Variants in GPATCH2 observed in about 807,000 individuals in gnomAD.
The protein encoded by GPATCH2 is G-patch domain containing 2, also known as G patch domain-containing protein 2.
In GPATCH2, 51 loss-of-function variants were observed where a neutral mutation model predicts 58.0. The observed-to-expected ratio is 0.88, with a 90% CI of 0.70 to 1.11. GPATCH2 has a LOEUF of 1.11. Ranked by LOEUF, GPATCH2 falls within the 50% of genes most tolerant of loss-of-function variation. The probability of loss-of-function intolerance (pLI) is 0.00; values close to 1 mark genes in which losing one functional copy is unlikely to be tolerated. For synonymous variants in GPATCH2, 222 were observed against 218.5 expected, an observed-to-expected ratio of 1.02 and a Z score of -0.14; for missense variants, 625 against 652.2, an observed-to-expected ratio of 0.96 and a Z score of 0.45.
intron 8 of GPATCH2, among the ~76,000 whole-genome samples, chr1:217,467,444 G>T (rs1660514312): frequency 6.6e-6 from 1 of 152,038 alleles, no homozygotes; most frequent in Admixed American, 6.6e-5. Context: ...CGTACTTATA[G>T]TAAGTACCAA....
chr1:217,563,976 G>A (rs987803771), intron 5 of GPATCH2, among the ~76,000 whole-genome samples: 5 of 148,716 alleles, frequency 3.4e-5, no homozygotes, highest in African/African-American at 9.9e-5. Context: ...CCCGGGAGGC[G>A]GAGATAGTGG....
intron 6 of GPATCH2, among the ~76,000 whole-genome samples, chr1:217,511,208 C>T (rs887185226): frequency 3.3e-5 from 5 of 152,204 alleles, no homozygotes; most frequent in Non-Finnish European, 5.9e-5. Flanking sequence ...AATCCCTCCA[C>T]ATCAATACCA....
chr1:217,545,450 G>A (rs1013040942), intron 5 of GPATCH2, among the ~76,000 whole-genome samples: 1 of 152,176 alleles, frequency 6.6e-6, no homozygotes, highest in Non-Finnish European at 1.5e-5. Context: ...GAGTCTGCGG[G>A]CATAAAGGTG....
At chr1:217,552,111 A>C (rs553496285) in intron 5 of GPATCH2, among the ~76,000 whole-genome samples, 1 of 152,076 alleles carries the variant, frequency 6.6e-6, no homozygotes, top group Non-Finnish European at 1.5e-5. Context: ...AAAAATACTG[A>C]CTGCCTTACC....
intron 5 of GPATCH2, among the ~76,000 whole-genome samples, chr1:217,579,173 G>T (rs1054612313): frequency 1.3e-5 from 2 of 151,990 alleles, no homozygotes; most frequent in African/African-American, 4.8e-5. Flanking sequence ...ATACAGCTTA[G>T]TTTTTTAACA....
chr1:217,498,461 A>G (rs1348920682), intron 6 of GPATCH2, 66 bp from the exon 7 acceptor site: 1 of 1,170,188 alleles, frequency 8.5e-7, no homozygotes, highest in African/African-American at 1.5e-5. Flanking sequence ...CACATGATCG[A>G]GCCGCATGTG....
At chr1:217,487,459 CTT>C (rs1377015323) in intron 8 of GPATCH2, among the ~76,000 whole-genome samples, 90 of 143,492 alleles carry the variant, frequency 6.3e-4, no homozygotes, top group African/African-American at 2.2e-3. Flanking sequence ...GAGTTTCACT[CTT>C]GTTGCCCAGG....
At chr1:217,561,235 C>A (rs1665910263) in intron 5 of GPATCH2, among the ~76,000 whole-genome samples, 1 of 152,166 alleles carries the variant, frequency 6.6e-6, no homozygotes, top group Admixed American at 6.5e-5. Context: ...TTTAAAATTA[C>A]AACTCAACAT....
At chr1:217,476,604 C>A (rs1267733986) in intron 8 of GPATCH2, among the ~76,000 whole-genome samples, 3 of 152,070 alleles carry the variant, frequency 2.0e-5, no homozygotes, top group African/African-American at 7.2e-5. Flanking sequence ...AGGCACTGAA[C>A]CCAGTGCTGC....
At chr1:217,516,232 A>T (rs398052669) in intron 5 of GPATCH2, among the ~76,000 whole-genome samples, 6 of 91,972 alleles carry the variant, frequency 6.5e-5, no homozygotes, top group South Asian at 6.1e-4. Flanking sequence ...TTTTAATTTT[A>T]AAAAAAAACC....
chr1:217,517,149 A>G (rs747882362), intron 5 of GPATCH2, among the ~76,000 whole-genome samples: 1 of 152,208 alleles, frequency 6.6e-6, no homozygotes, highest in Non-Finnish European at 1.5e-5. Flanking sequence ...GTAACCCACA[A>G]AAGATTTACA....
intron 5 of GPATCH2, among the ~76,000 whole-genome samples, chr1:217,586,903 CATACACTGTACTAT>C (rs1170572851): frequency 6.6e-6 from 1 of 152,118 alleles, no homozygotes; most frequent in Admixed American, 6.5e-5. Flanking sequence ...CACATGGCCG[CATACACTGTACTAT>C]AAAAAAAACA....
At chr1:217,541,673 T>A (rs1257473594) in intron 5 of GPATCH2, among the ~76,000 whole-genome samples, 1 of 152,234 alleles carries the variant, frequency 6.6e-6, no homozygotes, top group African/African-American at 2.4e-5. Context: ...GCCACATAAG[T>A]ATCCTAAAAA....
At chr1:217,513,678 A>G (rs1468963191) in intron 6 of GPATCH2, among the ~76,000 whole-genome samples, 2 of 152,174 alleles carry the variant, frequency 1.3e-5, no homozygotes, top group African/African-American at 4.8e-5. Flanking sequence ...CAAAGCTACA[A>G]CTACTTAGTT....
At chr1:217,500,880 T>G (rs1662263894) in intron 6 of GPATCH2, among the ~76,000 whole-genome samples, 1 of 152,132 alleles carries the variant, frequency 6.6e-6, no homozygotes, top group African/African-American at 2.4e-5. Flanking sequence ...TATCAATCTT[T>G]ACAAGAAATA....
At chr1:217,449,143 C>A (rs949588187) in intron 9 of GPATCH2, 106 bp downstream of exon 9, 4 of 711,960 alleles carry the variant, frequency 5.6e-6, no homozygotes, top group Admixed American at 2.2e-5. Context: ...TTTCTTGCAA[C>A]TGTGCTTCTT....
intron 5 of GPATCH2, among the ~76,000 whole-genome samples, chr1:217,541,109 T>C (rs1471345505): frequency 6.6e-6 from 1 of 152,214 alleles, no homozygotes; most frequent in Non-Finnish European, 1.5e-5. Context: ...TATTAAGTTC[T>C]TTCATCGGTA....
chr1:217,462,832 G>A (rs1477498672), intron 8 of GPATCH2, among the ~76,000 whole-genome samples: 2 of 152,180 alleles, frequency 1.3e-5, no homozygotes, highest in Non-Finnish European at 2.9e-5. Flanking sequence ...AGTGTGGACT[G>A]TGCAGCCCAA....
rs1176147648 is a variant in GPATCH2, at chr1:217,449,281, T to A, written c.1334A>T (p.Lys445Ile). The change falls in exon 9 of 10, where the codon AAA becomes ATA. Residue 445 changes from lysine (K) to isoleucine (I), a missense_variant. Lys to Ile is a moderately radical substitution (Grantham distance 102). Coordinates refer to ENST00000366935, the MANE Select transcript of GPATCH2 (RefSeq NM_018040.5). Reference protein sequence around the residue: ...LCTGDIKRRRKAAPLPGPTTA... With the variant: ...LCTGDIKRRRIAAPLPGPTTA... ...AGTAGGTCCAGGCAAAGGTGCAGCT[T>A]TTCTTCTCCGTTTGATATCTCCCGT... 1 of 1,609,678 alleles carries A rather than the reference T, an allele frequency of 6.2e-7. No individual in the cohort carries two copies. The highest frequency in any genetic ancestry group is 8.5e-7 in the Non-Finnish European group (1 of 1,175,922).
Sources: allele counts gnomAD v4.1 joint callset (sites outside exome capture counted in the v4.1 genomes callset), GRCh38; gene constraint gnomAD v4.1.1; transcripts MANE v1.5; gene names NCBI Gene and HGNC (gene_info 2026-07-23, HGNC 2026-07-21).